ZFPM2: variants seen among roughly 807,000 people sequenced by gnomAD.
The protein encoded by ZFPM2 is zinc finger protein ZFPM2.
In ZFPM2, 20 loss-of-function variants were observed where a neutral mutation model predicts 98.6. That is an observed-to-expected ratio of 0.20 (90% CI 0.14 to 0.29). The LOEUF (loss-of-function observed/expected upper bound fraction) is 0.29, where lower values mean the gene tolerates loss of function less well. Ranked by LOEUF, ZFPM2 falls within the 10% of genes least tolerant of loss-of-function variation. The probability of loss-of-function intolerance (pLI) is 1.00; values close to 1 mark genes in which losing one functional copy is unlikely to be tolerated. For synonymous variants in ZFPM2, 518 were observed against 502.7 expected (o/e 1.03, Z -0.41); for missense variants, 1,310 against 1,388.6 (o/e 0.94, Z 0.90).
At chr8:105,637,965 G>A (rs1040419212) in intron 5 of ZFPM2, among the ~76,000 whole-genome samples, 1 of 152,070 alleles carries the variant, frequency 6.6e-6, no homozygotes, top group Admixed American at 6.6e-5. Context: ...TTGTGTGTGT[G>A]TGTGTGTTTT....
chr8:105,449,038 A>G (rs777891685), intron 3 of ZFPM2, among the ~76,000 whole-genome samples: 5 of 152,174 alleles, frequency 3.3e-5, no homozygotes, highest in Non-Finnish European at 7.4e-5. Context: ...GTAAATCTTT[A>G]TAAATCTGTC....
chr8:105,501,616 G>T (rs1384265506), intron 3 of ZFPM2, among the ~76,000 whole-genome samples: 7 of 151,080 alleles, frequency 4.6e-5, no homozygotes, highest in Admixed American at 4.0e-4. Flanking sequence ...CAATTCTCAT[G>T]CCTCAGCCTC....
chr8:105,431,266 A>C (rs1407321132), intron 2 of ZFPM2, among the ~76,000 whole-genome samples: 2 of 152,148 alleles, frequency 1.3e-5, no homozygotes, highest in African/African-American at 2.4e-5. Context: ...TTTGTTGTCA[A>C]GTGGCCATAT....
chr8:105,539,643 T>A (rs1480115453), intron 3 of ZFPM2, among the ~76,000 whole-genome samples: 1 of 152,176 alleles, frequency 6.6e-6, no homozygotes, highest in Non-Finnish European at 1.5e-5. Context: ...TGCACCTTTG[T>A]GAGGCTGGAG....
At chr8:105,344,620 C>T (rs990766184) in intron 1 of ZFPM2, among the ~76,000 whole-genome samples, 2 of 152,032 alleles carry the variant, frequency 1.3e-5, no homozygotes, top group African/African-American at 4.8e-5. Flanking sequence ...AGCTTCAGAT[C>T]CCACAATACC....
At chr8:105,441,214 G>A (rs1812232024) in intron 2 of ZFPM2, among the ~76,000 whole-genome samples, 1 of 151,352 alleles carries the variant, frequency 6.6e-6, no homozygotes, top group Non-Finnish European at 1.5e-5. Flanking sequence ...ACCTTACCTT[G>A]CATTTTCATT....
chr8:105,355,020 A>G (rs1432772071), intron 1 of ZFPM2, among the ~76,000 whole-genome samples: 1 of 152,160 alleles, frequency 6.6e-6, no homozygotes, highest in African/African-American at 2.4e-5. Context: ...AAGTTTCTAT[A>G]TTTTCAGATG....
chr8:105,641,917 G>GT (rs1816955767), intron 5 of ZFPM2, among the ~76,000 whole-genome samples: 2 of 152,072 alleles, frequency 1.3e-5, no homozygotes, highest in Admixed American at 1.3e-4. Flanking sequence ...ATGCATGAAT[G>GT]AAGCTTCTGT....
At chr8:105,444,551 T>C (rs1039946300) in intron 3 of ZFPM2, among the ~76,000 whole-genome samples, 170 bp downstream of exon 3, 1 of 152,234 alleles carries the variant, frequency 6.6e-6, no homozygotes, top group East Asian at 1.9e-4. Flanking sequence ...ATTTTTGTTA[T>C]ATAAATTATA....
chr8:105,724,502 A>C (rs574455150), intron 5 of ZFPM2, among the ~76,000 whole-genome samples: 2 of 151,844 alleles, frequency 1.3e-5, no homozygotes, highest in Admixed American at 6.6e-5. Context: ...AACCACCATC[A>C]CTTTTTATGA....
At chr8:105,513,123 G>A (rs1339072321) in intron 3 of ZFPM2, among the ~76,000 whole-genome samples, 2 of 152,086 alleles carry the variant, frequency 1.3e-5, no homozygotes, top group Non-Finnish European at 2.9e-5. Context: ...GGAATGGTGG[G>A]CCCAACGTGC....
At chr8:105,464,388 A>G (rs1288982945) in intron 3 of ZFPM2, among the ~76,000 whole-genome samples, 2 of 152,042 alleles carry the variant, frequency 1.3e-5, no homozygotes, top group Non-Finnish European at 2.9e-5. Context: ...TGGGGGAAAA[A>G]GTTTGCAATG....
At chr8:105,533,297 T>G (rs929513055) in intron 3 of ZFPM2, among the ~76,000 whole-genome samples, 3 of 152,100 alleles carry the variant, frequency 2.0e-5, no homozygotes, top group African/African-American at 4.8e-5. Flanking sequence ...GTTTATAGAT[T>G]TTGATGAAAG....
chr8:105,520,785 A>G (rs1210712995), intron 3 of ZFPM2, among the ~76,000 whole-genome samples: 1 of 151,922 alleles, frequency 6.6e-6, no homozygotes, highest in Non-Finnish European at 1.5e-5. Context: ...ATTGATAGAG[A>G]GATATTTTGT....
intron 5 of ZFPM2, among the ~76,000 whole-genome samples, chr8:105,718,821 G>A (rs1811588148): frequency 6.6e-6 from 1 of 151,712 alleles, no homozygotes; most frequent in Admixed American, 6.6e-5. Context: ...CAATCCCCGT[G>A]TCTCATTTCA....
At position 105,424,527 on chromosome 8, in the gene ZFPM2, A is replaced by G. The variant is rs185868629; in HGVS notation, c.199+5225A>G. Among the ~76,000 whole-genome samples, 142 of 152,334 alleles carry G rather than the reference A, an allele frequency of 9.3e-4. 3 individuals are homozygous for G. The East Asian group carries it at 0.026, about 28-fold the overall frequency. ...AATGGAAATTCTCACTACATTCAAAAAGAGTCCACATAGTGTGCAGAAAGC... is the reference window on the plus strand; with the variant it reads ...AATGGAAATTCTCACTACATTCAAAGAGAGTCCACATAGTGTGCAGAAAGC... On this transcript the variant is annotated intron_variant, in intron 2 of 7. Transcript: ENST00000407775.
intron 2 of ZFPM2, among the ~76,000 whole-genome samples, chr8:105,433,551 G>T (rs543125392): frequency 4.6e-5 from 7 of 152,284 alleles, no homozygotes; most frequent in Admixed American, 6.5e-5. Context: ...ACTTTGGGAG[G>T]CCGAGGCGGT....
chr8:105,591,356 T>G (rs923185499), intron 4 of ZFPM2, among the ~76,000 whole-genome samples: 3 of 152,150 alleles, frequency 2.0e-5, no homozygotes, highest in African/African-American at 7.2e-5. Context: ...TTATGATAGT[T>G]TTCTGTCACA....
chr8:105,776,022 AAAGAGGCAT>A (rs1813096959), intron 5 of ZFPM2, among the ~76,000 whole-genome samples: 2 of 152,026 alleles, frequency 1.3e-5, no homozygotes, highest in Non-Finnish European at 2.9e-5. Flanking sequence ...TACTTTCCCG[AAAGAGGCAT>A]CATGAGCTTC....
Sources: gnomAD v4.1 joint callset for allele counts (sites outside exome capture counted in the v4.1 genomes callset) on GRCh38, gnomAD v4.1.1 for gene constraint, MANE v1.5 for transcripts, NCBI Gene and HGNC (gene_info 2026-07-23, HGNC 2026-07-21) for gene names.